AKR1C1: variants seen among roughly 807,000 people sequenced by gnomAD.
AKR1C1 encodes the protein aldo-keto reductase family 1 member C1.
In AKR1C1, 32 loss-of-function variants were observed where a neutral mutation model predicts 40.6. That is an observed-to-expected ratio of 0.79 (90% confidence interval 0.60 to 1.06). The LOEUF is 1.06. Ranked by LOEUF, AKR1C1 falls within the 50% of genes least tolerant of loss-of-function variation. AKR1C1 has a pLI of 0.00. For synonymous variants in AKR1C1, 105 were observed against 134.2 expected (o/e 0.78, Z 1.50); for missense variants, 320 against 363.5 (o/e 0.88, Z 0.97).
At chr10:4,966,193 AT>A in intron 2 of AKR1C1, 112 bp downstream of exon 2, 1 of 1,497,086 alleles carries the variant, frequency 6.7e-7, no homozygotes, top group Non-Finnish European at 8.9e-7. Flanking sequence ...ATTTATTACG[AT>A]TTATTCACAC....
rs1233608121 is a variant in AKR1C1, at chr10:4,979,809, C to G, written c.*2067C>G. 5.3e-5 allele frequency: 8 copies of G among 151,348 alleles called. No homozygotes were observed. The highest frequency in any genetic ancestry group is 1.0e-4 in the Non-Finnish European group (7 of 67,882). The allele number at this position is 151,348 out of a possible 1,614,324, so 9.4% of individuals were successfully genotyped here. On this transcript the variant is annotated 3_prime_UTR_variant, in exon 9 of 9. Transcript: ENST00000380872. ...AGATGTAAGAAAATTTTATAGGGAC[C>G]TCCAATCACTAATTTTCCTATTTTT... is the stretch of plus-strand genomic sequence containing the variant.
At chr10:4,972,535 A>G in intron 6 of AKR1C1, 49 bp from the exon 7 acceptor site, 2 of 1,610,706 alleles carry the variant, frequency 1.2e-6, no homozygotes, top group Non-Finnish European at 1.7e-6. Context: ...CCGCCTAACA[A>G]ACTGTATCCC....
chr10:4,977,039 G>T (rs561438675), intron 8 of AKR1C1, among the ~76,000 whole-genome samples: 244 of 152,270 alleles, frequency 1.6e-3, no homozygotes, highest in Middle Eastern at 0.014. Context: ...CCAAGTGTTT[G>T]CTCTTGGTGT....
intron 1 of AKR1C1, 97 bp from the exon 2 acceptor site, chr10:4,965,817 A>C: frequency 7.0e-7 from 1 of 1,420,656 alleles, no homozygotes; most frequent in Non-Finnish European, 9.6e-7. Flanking sequence ...CATCCAAGAA[A>C]GGAGGAAAAG....
chr10:4,965,816 A>G, intron 1 of AKR1C1, 98 bp from the exon 2 acceptor site: 2 of 1,416,022 alleles, frequency 1.4e-6, no homozygotes, highest in Non-Finnish European at 1.9e-6. Context: ...TCATCCAAGA[A>G]AGGAGGAAAA....
intron 1 of AKR1C1, chr10:4,965,627 A>G: frequency 3.1e-6 from 1 of 321,956 alleles, no homozygotes. Flanking sequence ...TATAGGTTGC[A>G]TCCTGTTAAT....
rs1282564053 is a variant in AKR1C1 at position 4,967,780 on chromosome 10, T to C, written c.370-529T>C. The stretch of plus-strand genomic sequence containing the variant: ...TCCAACCTTTTTCGTTGGTGGCATT[T>C]ATGGCTTTGGAGCACTGTCAGGCCC... On this transcript the variant is annotated intron_variant, in intron 3 of 8. Coordinates refer to ENST00000380872, the MANE Select transcript of AKR1C1 (RefSeq NM_001353.6). 2.3e-5 allele frequency: 7 copies of C among 304,182 alleles called. No homozygotes were observed. The East Asian group carries it at 1.2e-3, about 53-fold the overall frequency. 18.8% of individuals were successfully genotyped at this position (304,182 alleles called of 1,614,324 possible).
chr10:4,974,067 AAG>A, intron 7 of AKR1C1, among the ~76,000 whole-genome samples: 1 of 151,726 alleles, frequency 6.6e-6, no homozygotes, highest in East Asian at 1.9e-4. Context: ...ATGAGAAAGA[AAG>A]TAAAAAATGA....
chr10:4,967,245 A>G, intron 3 of AKR1C1: 1 of 1,018,934 alleles, frequency 9.8e-7, no homozygotes, highest in Non-Finnish European at 1.3e-6. Context: ...ATAAGAAAAG[A>G]AAGTGCAGAA....
In AKR1C1 at chr10:4,968,320, AG is replaced by A. The variant is rs1386630430; in HGVS notation, c.382del (p.Val128Ter). On this transcript the variant is annotated frameshift_variant, in exon 4 of 9. Transcript: ENST00000380872. LOFTEE classifies it high-confidence loss of function. ...TGCTTCTACTTCAGCCAGGTGAGGA[AG>A]TGATCCCAAAAGATGAAAATGGAAA... is the stretch of plus-strand genomic sequence containing the variant. The part of the protein sequence containing the change: ...FPVSVKPGEE[V>X]IPKDENGKIL... 6.4e-7 allele frequency: 1 copy of A among 1,553,998 alleles called. No individual in the cohort carries two copies. The highest frequency in any genetic ancestry group is 8.7e-7 in the Non-Finnish European group (1 of 1,143,392).
chr10:4,968,085 A>T (rs980011238), intron 3 of AKR1C1: 12 of 888,862 alleles, frequency 1.4e-5, no homozygotes, highest in Non-Finnish European at 1.8e-5. Flanking sequence ...AACCAGAAAG[A>T]GGTATTTATT....
rs782095072 is a variant in AKR1C1, at chr10:4,972,679, A to G, written c.776A>G (p.Tyr259Cys). Residue 259 changes from tyrosine (Y) to cysteine (C), a missense_variant, in exon 7 of 9, where the codon TAC (tyrosine) becomes TGC (cysteine). Physicochemically the swap from Tyr to Cys is radical, Grantham distance 194. Transcript: ENST00000380872. Reference sequence around the variant, plus strand: ...ACCCCAGCCCTGATTGCCCTGCGCTACCAGCTACAGCGTGGGGTTGTGGTC... The same window carrying G: ...ACCCCAGCCCTGATTGCCCTGCGCTGCCAGCTACAGCGTGGGGTTGTGGTC... The part of the protein sequence containing the change: ...KRTPALIALR[Y>C]QLQRGVVVLA... The G allele has an allele frequency of 6.2e-7, 1 of 1,612,798 alleles. No homozygotes were observed. Among genetic ancestry groups the G allele is most frequent in the Non-Finnish European group, 8.5e-7 (1 of 1,180,050 alleles).
At chr10:4,977,644 C>G (rs45549033) in intron 8 of AKR1C1, 56 bp from the exon 9 acceptor site, 50 of 1,610,616 alleles carry the variant, frequency 3.1e-5, no homozygotes, top group African/African-American at 1.5e-4. Flanking sequence ...ACTGCACTAC[C>G]CGCTAGTAAC....
Position 4,978,843 on chromosome 10 carries a change from T to C in AKR1C1, c.*1101T>C, listed in dbSNP as rs184645617. 3.3e-5 allele frequency: 5 copies of C among 152,332 alleles called. No homozygotes were observed. Among genetic ancestry groups the C allele is most frequent in the Admixed American group, 3.3e-4 (5 of 15,306 alleles). The allele number at this position is 152,332 out of a possible 1,614,324, so 9.4% of individuals were successfully genotyped here. A position where few individuals can be genotyped will look rare whatever the true frequency, so the allele number is the denominator to read the frequency against. ...ACACTGGTTTCAAACTTTGGTAAAT[T>C]TTAAGAACAACTCTTACAAAGGCAT... On this transcript the variant is annotated 3_prime_UTR_variant, in exon 9 of 9. Coordinates refer to ENST00000380872, the MANE Select transcript of AKR1C1 (RefSeq NM_001353.6).
At chr10:4,966,489 A>G (rs1319571556) in intron 2 of AKR1C1, among the ~76,000 whole-genome samples, 2 of 152,356 alleles carry the variant, frequency 1.3e-5, no homozygotes, top group East Asian at 3.9e-4. Context: ...ATTAAAGAAT[A>G]ACGCCTACAT....
intron 5 of AKR1C1, among the ~76,000 whole-genome samples, chr10:4,969,246 A>G (rs1397718351): frequency 6.6e-6 from 1 of 152,214 alleles, no homozygotes; most frequent in Non-Finnish European, 1.5e-5. Flanking sequence ...AAGCTATGAA[A>G]GATGACCAGA....
intron 1 of AKR1C1, chr10:4,963,976 T>A (rs1414332798): frequency 8.1e-6 from 6 of 745,056 alleles, no homozygotes; most frequent in Non-Finnish European, 1.2e-5. Flanking sequence ...ACTGTAATAC[T>A]AGACCTGGCC....
intron 7 of AKR1C1, among the ~76,000 whole-genome samples, chr10:4,974,402 G>A (rs1178633044): frequency 1.3e-5 from 2 of 151,468 alleles, no homozygotes; most frequent in Non-Finnish European, 3.0e-5. Context: ...TATTCTCTGT[G>A]GTTATGTTTT....
intron 5 of AKR1C1, among the ~76,000 whole-genome samples, chr10:4,970,493 C>T (rs1836405937): frequency 6.6e-6 from 1 of 152,192 alleles, no homozygotes; most frequent in East Asian, 1.9e-4. Flanking sequence ...TTTCAAATTG[C>T]ACCACACTAG....
Sources: gnomAD v4.1 joint callset for allele counts (sites outside exome capture counted in the v4.1 genomes callset) on GRCh38, gnomAD v4.1.1 for gene constraint, MANE v1.5 for transcripts, NCBI Gene and HGNC (gene_info 2026-07-23, HGNC 2026-07-21) for gene names.